CYP27C1: variants seen among roughly 807,000 people sequenced by gnomAD.
CYP27C1 encodes the protein cytochrome P450 family 27 subfamily C member 1, also known as cytochrome P450 27C1.
Under a neutral mutation model 40.6 loss-of-function variants are expected in CYP27C1, and 29 were observed. The ratio of observed to expected loss-of-function variants is 0.71; its 90% CI spans 0.53 to 0.97. CYP27C1 has a LOEUF of 0.97. Ranked by LOEUF, CYP27C1 falls within the 50% of genes least tolerant of loss-of-function variation. CYP27C1 has a pLI of 0.00. For missense variants in CYP27C1, 390 were observed against 485.8 expected, an observed-to-expected ratio of 0.80 and a Z score of 1.85; for synonymous variants, 198 against 186.8, an observed-to-expected ratio of 1.06 and a Z score of -0.49.
intron 8 of CYP27C1, among the ~76,000 whole-genome samples, chr2:127,188,153 C>T (rs1188970075): frequency 6.6e-6 from 1 of 152,202 alleles, no homozygotes; most frequent in Non-Finnish European, 1.5e-5. Context: ...TTGGAAAGGG[C>T]AGGGGGCAGA....
At chr2:127,197,574 G>A (rs1682932807) in intron 5 of CYP27C1, among the ~76,000 whole-genome samples, 1 of 152,088 alleles carries the variant, frequency 6.6e-6, no homozygotes, top group African/African-American at 2.4e-5. Flanking sequence ...AGACAGGCAG[G>A]GTGTGCGTGC....
rs1293537250 is a variant in CYP27C1 at position 127,185,755 on chromosome 2, A to T, written c.*1516T>A. ...ATGGAAAAAAAACTGTATGGTCTAT[A>T]TTAGTAAGAAAGTAATTTTTGGAGA... is the stretch of plus-strand genomic sequence containing the variant. On this transcript the variant is annotated 3_prime_UTR_variant, in exon 9 of 9. Transcript: ENST00000664447. This position sits in a 1 kb window ranked among gnomAD's most constrained non-coding sequence, Gnocchi z 4.9. 1 of 152,244 alleles carries T rather than the reference A, an allele frequency of 6.6e-6. No individual in the cohort carries two copies. The highest frequency in any genetic ancestry group is 1.5e-5 in the Non-Finnish European group (1 of 68,046). 9.4% of individuals were successfully genotyped at this position (152,244 alleles called of 1,614,324 possible).
chr2:127,204,607 A>AAGAAAGAG (rs1683180072), intron 2 of CYP27C1, among the ~76,000 whole-genome samples: 2 of 102,246 alleles, frequency 2.0e-5, no homozygotes, highest in Non-Finnish European at 4.0e-5. Context: ...GAAAGAAAGA[A>AAGAAAGAG]AGAAAGAAAG....
chr2:127,204,854 C>G (rs1259348556), intron 2 of CYP27C1, among the ~76,000 whole-genome samples: 1 of 152,104 alleles, frequency 6.6e-6, no homozygotes. Flanking sequence ...TGCCCACGAG[C>G]GTCACCCACA....
rs573379232 is a variant in CYP27C1, at chr2:127,189,666, AAGAG to A, written c.1498-2283_1498-2280del. 3.0e-3 allele frequency among the ~76,000 whole-genome samples: 457 copies of A among 151,052 alleles called. 3 individuals carry two copies. The highest frequency in any genetic ancestry group is 0.01 in the African/African-American group (425 of 41,204). ...AAGGCTCCACTGTTGCTTCTGTGCC[AAGAG>A]ACTTTCTTCATTAATTGGGGTTGAA... On this transcript the variant is annotated intron_variant, in intron 8 of 8. Transcript: ENST00000664447.
At position 127,186,416 on chromosome 2, in the gene CYP27C1, G is replaced by T; in HGVS notation, c.*855C>A. 1 of 107,768 alleles carries T rather than the reference G, an allele frequency of 9.3e-6. No individual in the cohort carries two copies. Among genetic ancestry groups the T allele is most frequent in the Non-Finnish European group, 2.1e-5 (1 of 47,632 alleles). 6.7% of individuals were successfully genotyped at this position (107,768 alleles called of 1,614,324 possible). On this transcript the variant is annotated 3_prime_UTR_variant, in exon 9 of 9. Coordinates refer to ENST00000664447, the MANE Select transcript of CYP27C1 (RefSeq NM_001367502.1). This position sits in a 1 kb window ranked among gnomAD's most constrained non-coding sequence, Gnocchi z 4.5. ...TTTTATTTTATTTTATTTTATTTTT[G>T]AGAAAGGGTCTCACTCTGTCACCCA...
Position 127,209,070 on chromosome 2 carries a change from T to A in CYP27C1, c.283-2980A>T, listed in dbSNP as rs1319694533. Among the ~76,000 whole-genome samples the A allele has an allele frequency of 6.6e-6, 1 of 152,160 alleles. No individual in the cohort carries two copies. Among genetic ancestry groups the A allele is most frequent in the East Asian group, 1.9e-4 (1 of 5,194 alleles). On this transcript the variant is annotated intron_variant, in intron 1 of 8. Coordinates refer to ENST00000664447, the MANE Select transcript of CYP27C1 (RefSeq NM_001367502.1). This position sits in a 1 kb window ranked among gnomAD's most constrained non-coding sequence, Gnocchi z 4.1. ...GGGTGAGACCCTCCAATAGGGGTTG[T>A]CAGATACCCTATACAGAAGCAATCC...
At chr2:127,216,311 T>C (rs1235901966) in intron 1 of CYP27C1, among the ~76,000 whole-genome samples, 1 of 152,258 alleles carries the variant, frequency 6.6e-6, no homozygotes, top group African/African-American at 2.4e-5. Context: ...AACTGATGAA[T>C]GGATAAGCAA....
At position 127,193,151 on chromosome 2, in the gene CYP27C1, A is replaced by T. The variant is rs1253249728; in HGVS notation, c.1440T>A (p.Val480=). ...CAATTCTCCGCCCTATGCAGCTGCG[A>T]ACCCCATGACCAAAGGGGATGGATC... ...NFGSIPFGHG[V]RSCIGRRIAE... is the part of the protein sequence containing the mutation. Residue 480 remains valine, a synonymous_variant, in exon 8 of 9, where the codon GTT becomes GTA. Transcript: ENST00000664447. 6 of 1,614,188 alleles carry T rather than the reference A, an allele frequency of 3.7e-6. No homozygotes were observed. Among genetic ancestry groups the T allele is most frequent in the Non-Finnish European group, 5.1e-6 (6 of 1,180,026 alleles).
chr2:127,203,038 G>C (rs963060291), intron 3 of CYP27C1, among the ~76,000 whole-genome samples: 7 of 152,000 alleles, frequency 4.6e-5, no homozygotes, highest in Non-Finnish European at 1.0e-4. Flanking sequence ...AGTGGTGGCA[G>C]GTGCCTGTAA....
Position 127,193,952 on chromosome 2 carries a change from AT to A in CYP27C1, c.1215-86del, listed in dbSNP as rs1228038337. On this transcript the variant is annotated intron_variant, in intron 6 of 8. Transcript: ENST00000664447. The stretch of plus-strand genomic sequence containing the variant: ...CGTTCAGAACCCTGGATATATTCCC[AT>A]TTCCATTAAAAATTCTTAAAAAGTA... 4 of 1,431,758 alleles carry A rather than the reference AT, an allele frequency of 2.8e-6. No homozygotes were observed. The Admixed American group carries it at 6.1e-5, about 22-fold the overall frequency. The allele number at this position is 1,431,758 out of a possible 1,614,324, so 88.7% of individuals were successfully genotyped here. A position where few individuals can be genotyped will look rare whatever the true frequency, so the allele number is the denominator to read the frequency against.
chr2:127,190,914 C>T (rs1365203437), intron 8 of CYP27C1, among the ~76,000 whole-genome samples: 2 of 144,412 alleles, frequency 1.4e-5, no homozygotes, highest in Non-Finnish European at 3.0e-5. Context: ...CCACTGCACT[C>T]CAGCCTGGGT....
chr2:127,204,487 AGGAAGGAAGGAAGGAAGGAAAGAAAGAAG>A (rs1558931098), intron 2 of CYP27C1, among the ~76,000 whole-genome samples: 8 of 74,892 alleles, frequency 1.1e-4, no homozygotes, highest in South Asian at 4.4e-4. Flanking sequence ...AAAGAAAGAA[AGGAAGGAAGGAAGGAAGGAAAGAAAGAAG>A]GAAAGAAAGA....
At chr2:127,199,611 G>C in intron 4 of CYP27C1, 72 bp from the exon 5 acceptor site, 2 of 1,468,650 alleles carry the variant, frequency 1.4e-6, no homozygotes, top group Non-Finnish European at 1.8e-6. Context: ...AAAGCCCTCT[G>C]TCCTCCCAGT....
Position 127,201,329 on chromosome 2 carries a change from C to T in CYP27C1, c.676G>A (p.Val226Met). Reference protein sequence around the residue: ...DLFFKYSMEGVATILYESRLG... With the variant: ...DLFFKYSMEGMATILYESRLG... Reference sequence around the variant, plus strand: ...CGACTCTCATAAAGGATGGTGGCCACTCCTAGACAGGAAAGAGAATTTGAA... The same window carrying T: ...CGACTCTCATAAAGGATGGTGGCCATTCCTAGACAGGAAAGAGAATTTGAA... Residue 226 changes from valine (V) to methionine (M), a missense_variant and splice_region_variant, in exon 4 of 9, where the codon GTG becomes ATG. By Grantham distance (21) the Val-to-Met change is conservative. Coordinates refer to ENST00000664447, the MANE Select transcript of CYP27C1 (RefSeq NM_001367502.1). The surrounding 1 kb of genome is among the most constrained non-coding windows in gnomAD (Gnocchi z 6.0). 1.2e-6 allele frequency: 2 copies of T among 1,611,780 alleles called. No homozygotes were observed. Among genetic ancestry groups the T allele is most frequent in the Non-Finnish European group, 1.7e-6 (2 of 1,178,546 alleles).
At chr2:127,197,091 AT>A (rs1433238293) in intron 5 of CYP27C1, among the ~76,000 whole-genome samples, 4 of 152,180 alleles carry the variant, frequency 2.6e-5, no homozygotes, top group African/African-American at 9.7e-5. Flanking sequence ...ATGCCACCTC[AT>A]TGTGATGTTC....
intron 8 of CYP27C1, among the ~76,000 whole-genome samples, chr2:127,190,347 T>C (rs1407091761): frequency 7.1e-6 from 1 of 140,820 alleles, no homozygotes; most frequent in East Asian, 2.1e-4. Flanking sequence ...TTTTTCTTTT[T>C]TTTTTTTTTT....
chr2:127,194,055 T>TATTC (rs538271319), intron 6 of CYP27C1, among the ~76,000 whole-genome samples, 188 bp from the exon 7 acceptor site: 63 of 152,352 alleles, frequency 4.1e-4, no homozygotes, highest in African/African-American at 1.5e-3. Context: ...TACCAGCGAG[T>TATTC]ATTCTGAGGA....
chr2:127,212,234 G>C (rs1683354179), intron 1 of CYP27C1, among the ~76,000 whole-genome samples: 1 of 152,130 alleles, frequency 6.6e-6, no homozygotes, highest in Non-Finnish European at 1.5e-5. Flanking sequence ...AATTCTACCA[G>C]AAATACAAAG....
Sources: gnomAD v4.1 joint callset for allele counts (sites outside exome capture counted in the v4.1 genomes callset) on GRCh38, gnomAD v4.1.1 for gene constraint, Gnocchi (gnomAD v3.1) non-coding constraint, MANE v1.5 for transcripts, NCBI Gene and HGNC (gene_info 2026-07-23, HGNC 2026-07-21) for gene names.